The following MOGAT1 variants were observed in gnomAD, a reference collection of about 807,000 sequenced individuals.
The protein encoded by MOGAT1 is monoacylglycerol O-acyltransferase 1.
Under a neutral mutation model 31.4 loss-of-function variants are expected in MOGAT1, and 32 were observed. That is an observed-to-expected ratio of 1.02 (90% CI 0.77 to 1.37). The LOEUF (loss-of-function observed/expected upper bound fraction) is 1.37, where lower values mean the gene tolerates loss of function less well. Among genes scored for constraint, MOGAT1 ranks in the 40% most tolerant of loss-of-function variants. MOGAT1 has a pLI of 0.00. For synonymous variants in MOGAT1, 145 were observed against 144.5 expected (o/e 1.00, Z -0.03); for missense variants, 426 against 402.0 (o/e 1.06, Z -0.51).
At position 222,689,318 on chromosome 2, in the gene MOGAT1, C is replaced by A. The variant is rs537274897; in HGVS notation, c.327C>A (p.His109Gln). The A allele has an allele frequency of 3.7e-6, 6 of 1,613,856 alleles. No homozygotes were observed. In the African/African-American group the frequency reaches 8.0e-5, roughly 22 times the overall value. Reference sequence around the variant, plus strand: ...GTCACAACTATATATTTGGGTTTCACCCCCATGGAATAATGGCAGTTGGAG... The same window carrying A: ...GTCACAACTATATATTTGGGTTTCAACCCCATGGAATAATGGCAGTTGGAG... ...DPSHNYIFGFHPHGIMAVGAF... is the reference protein window; with the variant it reads ...DPSHNYIFGFQPHGIMAVGAF... Residue 109 changes from histidine to glutamine, a missense_variant, in exon 3 of 6, where the codon CAC (histidine) becomes CAA (glutamine). By Grantham distance (24) the His-to-Gln change is conservative. Transcript: ENST00000446656.
At chr2:222,680,085 T>G (rs905645781) in intron 1 of MOGAT1, among the ~76,000 whole-genome samples, 1 of 152,228 alleles carries the variant, frequency 6.6e-6, no homozygotes, top group African/African-American at 2.4e-5. Flanking sequence ...TGAATAAAAG[T>G]CAATTAGCTC....
intron 5 of MOGAT1, among the ~76,000 whole-genome samples, chr2:222,708,700 C>T (rs1693067111): frequency 6.6e-6 from 1 of 152,126 alleles, no homozygotes; most frequent in African/African-American, 2.4e-5. Flanking sequence ...TTTTTCCATG[C>T]ACTAAAAACG....
intron 1 of MOGAT1, among the ~76,000 whole-genome samples, chr2:222,684,874 C>T (rs760369631): frequency 2.5e-4 from 38 of 152,150 alleles, no homozygotes; most frequent in Admixed American, 9.2e-4. Context: ...CGTGCCCAGC[C>T]GTATTTTACT....
intron 5 of MOGAT1, among the ~76,000 whole-genome samples, chr2:222,705,711 G>A (rs1208571223): frequency 6.6e-6 from 1 of 152,144 alleles, no homozygotes; most frequent in African/African-American, 2.4e-5. Flanking sequence ...AATAATGGCT[G>A]TCTTGCTAGG....
At chr2:222,681,914 C>T (rs1261174914) in intron 1 of MOGAT1, among the ~76,000 whole-genome samples, 1 of 152,134 alleles carries the variant, frequency 6.6e-6, no homozygotes, top group Non-Finnish European at 1.5e-5. Context: ...GAGGCAGAGA[C>T]CAAATATTAT....
chr2:222,676,425 A>G (rs534344617), intron 1 of MOGAT1, among the ~76,000 whole-genome samples: 4 of 152,332 alleles, frequency 2.6e-5, no homozygotes, highest in African/African-American at 4.8e-5. Flanking sequence ...TTTCTCATAT[A>G]TATCAATAGT....
intron 1 of MOGAT1, among the ~76,000 whole-genome samples, chr2:222,672,820 G>A (rs1692439533): frequency 6.6e-6 from 1 of 151,578 alleles, no homozygotes; most frequent in African/African-American, 2.4e-5. Flanking sequence ...TCTCAACCCT[G>A]GCTCTAGATG....
chr2:222,701,121 G>A (rs997259040), intron 5 of MOGAT1, among the ~76,000 whole-genome samples: 4 of 152,112 alleles, frequency 2.6e-5, no homozygotes, highest in Non-Finnish European at 5.9e-5. Context: ...GTGGCTGGCC[G>A]CGGTGGCTCA....
At chr2:222,695,419 T>A in intron 5 of MOGAT1, 131 bp downstream of exon 5, 1 of 566,154 alleles carries the variant, frequency 1.8e-6, no homozygotes, top group Admixed American at 3.7e-5. Context: ...TAGATGTTAT[T>A]TGAGTTTTGT....
At chr2:222,695,677 G>C (rs1692827399) in intron 5 of MOGAT1, among the ~76,000 whole-genome samples, 1 of 152,054 alleles carries the variant, frequency 6.6e-6, no homozygotes, top group South Asian at 2.1e-4. Context: ...ATTATGTTCA[G>C]TTCACATAAG....
At chr2:222,698,699 T>C (rs1444456803) in intron 5 of MOGAT1, 1 of 152,238 alleles carries the variant, frequency 6.6e-6, no homozygotes. Context: ...CTCACACACA[T>C]ACCACCTCAA....
intron 5 of MOGAT1, among the ~76,000 whole-genome samples, chr2:222,701,370 G>A (rs1400372937): frequency 7.1e-6 from 1 of 141,604 alleles, no homozygotes; most frequent in Non-Finnish European, 1.5e-5. Flanking sequence ...AGGAAAAGAG[G>A]AAGGAAGGAA....
At chr2:222,692,342 A>G (rs980709868) in intron 3 of MOGAT1, among the ~76,000 whole-genome samples, 4 of 152,236 alleles carry the variant, frequency 2.6e-5, no homozygotes, top group Admixed American at 2.6e-4. Flanking sequence ...TTTTGTCATT[A>G]TTATCAATAC....
chr2:222,680,121 T>A (rs1041073811), intron 1 of MOGAT1, among the ~76,000 whole-genome samples: 3 of 152,256 alleles, frequency 2.0e-5, no homozygotes, highest in African/African-American at 4.8e-5. Context: ...TGTAATTTTG[T>A]CTTTTCACAT....
At chr2:222,694,585 A>G in intron 4 of MOGAT1, 49 bp downstream of exon 4, 1 of 1,564,784 alleles carries the variant, frequency 6.4e-7, no homozygotes, top group Non-Finnish European at 8.7e-7. Context: ...TTAAGACATT[A>G]TTAAACAAAC....
intron 5 of MOGAT1, among the ~76,000 whole-genome samples, chr2:222,696,951 G>A (rs544030709): frequency 3.3e-5 from 5 of 152,234 alleles, no homozygotes; most frequent in African/African-American, 1.2e-4. Context: ...GTGGAAGAAG[G>A]AGCACTTGAG....
At chr2:222,693,035 TA>T (rs1259447534) in intron 3 of MOGAT1, among the ~76,000 whole-genome samples, 1 of 152,218 alleles carries the variant, frequency 6.6e-6, no homozygotes, top group Non-Finnish European at 1.5e-5. Context: ...AATCCTGTCA[TA>T]ATTCCTCCCA....
At position 222,671,884 on chromosome 2, in the gene MOGAT1, G is replaced by C; in HGVS notation, c.94+5G>C. On this transcript the variant is annotated splice_donor_5th_base_variant and intron_variant, in intron 1 of 5. Coordinates refer to ENST00000446656, the MANE Select transcript of MOGAT1 (RefSeq NM_058165.3). Reference sequence around the variant, plus strand: ...TCCTGAAATACCTGCTGCTCGGTAAGGACCCCGCCCCCCGGGCCGCGGGGC... The same window carrying C: ...TCCTGAAATACCTGCTGCTCGGTAACGACCCCGCCCCCCGGGCCGCGGGGC... 1 of 1,550,224 alleles carries C rather than the reference G, an allele frequency of 6.5e-7. No homozygotes were observed. Among genetic ancestry groups the C allele is most frequent in the Non-Finnish European group, 8.7e-7 (1 of 1,146,180 alleles).
chr2:222,678,571 A>G (rs1692531876), intron 1 of MOGAT1, among the ~76,000 whole-genome samples: 1 of 152,190 alleles, frequency 6.6e-6, no homozygotes, highest in Non-Finnish European at 1.5e-5. Context: ...TTTGAAGAGC[A>G]GAAGTTTTAA....
Sources: gnomAD v4.1 joint callset for allele counts (sites outside exome capture counted in the v4.1 genomes callset) on GRCh38, gnomAD v4.1.1 for gene constraint, MANE v1.5 for transcripts, NCBI Gene and HGNC (gene_info 2026-07-23, HGNC 2026-07-21) for gene names.